TENM3: variants seen among roughly 807,000 people sequenced by gnomAD.
TENM3 encodes teneurin-3.
In TENM3, 63 loss-of-function variants were observed where a neutral mutation model predicts 255.1. That is an observed-to-expected ratio of 0.25 (90% CI 0.20 to 0.30). The LOEUF (loss-of-function observed/expected upper bound fraction) is 0.30. Ranked by LOEUF, TENM3 falls within the 10% of genes least tolerant of loss-of-function variation. The pLI is 1.00. For synonymous variants in TENM3, 1,306 were observed against 1,322.3 expected, an observed-to-expected ratio of 0.99 and a Z score of 0.27; for missense variants, 2,929 against 3,461.1, an observed-to-expected ratio of 0.85 and a Z score of 3.86.
At chr4:181,720,871 A>G in the TENM3 span, among the ~76,000 whole-genome samples, 1 of 152,174 alleles carries the variant, frequency 6.6e-6, no homozygotes. Flanking sequence ...TCTGAAGGAA[A>G]TCTCTCTGGA....
intron 3 of TENM3, among the ~76,000 whole-genome samples, chr4:182,402,361 G>A (rs954745930): frequency 2.6e-5 from 4 of 152,076 alleles, no homozygotes; most frequent in South Asian, 2.1e-4. Context: ...TTGTACAGTC[G>A]CTCCACATGC....
the TENM3 span, among the ~76,000 whole-genome samples, chr4:181,984,030 T>A: frequency 6.6e-6 from 1 of 152,104 alleles, no homozygotes; most frequent in Non-Finnish European, 1.5e-5. Context: ...CTCTTAGTGA[T>A]GGAATAATGC....
intron 23 of TENM3, 116 bp downstream of exon 23, chr4:182,773,763 A>C: frequency 2.3e-6 from 2 of 862,522 alleles, no homozygotes; most frequent in Non-Finnish European, 3.6e-6. Context: ...ACCTCTAGAA[A>C]TATTGGTGAC....
chr4:182,438,997 C>G (rs559701118), intron 3 of TENM3, among the ~76,000 whole-genome samples: 5 of 152,280 alleles, frequency 3.3e-5, no homozygotes, highest in African/African-American at 1.2e-4. Context: ...GTGTCAAAAT[C>G]TACACGTGGA....
the TENM3 span, among the ~76,000 whole-genome samples, chr4:181,845,957 A>T: frequency 2.0e-5 from 3 of 152,184 alleles, no homozygotes; most frequent in African/African-American, 7.2e-5. Context: ...CCTACTAATA[A>T]GCTTTCAGAG....
the TENM3 span, among the ~76,000 whole-genome samples, chr4:182,022,170 TAA>T: frequency 1.2e-3 from 175 of 144,284 alleles, no homozygotes; most frequent in Middle Eastern, 3.6e-3. Context: ...GTGGATTGGA[TAA>T]AAAAAAAAAA....
chr4:181,534,814 T>C, the TENM3 span, among the ~76,000 whole-genome samples: 1 of 152,150 alleles, frequency 6.6e-6, no homozygotes, highest in South Asian at 2.1e-4. Flanking sequence ...AATGATATCT[T>C]AGGCAGGTCC....
chr4:182,372,069 A>G (rs764561064), intron 3 of TENM3, among the ~76,000 whole-genome samples: 7 of 152,226 alleles, frequency 4.6e-5, no homozygotes, highest in Non-Finnish European at 5.9e-5. Context: ...TAAATTATGC[A>G]AACTCTCATT....
chr4:182,008,022 C>A, the TENM3 span, among the ~76,000 whole-genome samples: 1 of 152,134 alleles, frequency 6.6e-6, no homozygotes, highest in Admixed American at 6.5e-5. Flanking sequence ...GTTAAAAATT[C>A]TTTTCTTTAA....
At chr4:181,503,136 G>C in the TENM3 span, among the ~76,000 whole-genome samples, 3 of 152,112 alleles carry the variant, frequency 2.0e-5, no homozygotes, top group African/African-American at 7.2e-5. Context: ...ACCGAGGTGG[G>C]AGGTCCCACC....
At chr4:182,328,829 C>T (rs144378373) in intron 2 of TENM3, among the ~76,000 whole-genome samples, 5 of 152,174 alleles carry the variant, frequency 3.3e-5, no homozygotes, top group Non-Finnish European at 5.9e-5. Context: ...AAGGCCAGTT[C>T]AAGTGTAGTT....
chr4:181,893,697 A>G, the TENM3 span, among the ~76,000 whole-genome samples: 1 of 152,084 alleles, frequency 6.6e-6, no homozygotes, highest in African/African-American at 2.4e-5. Context: ...TGCTTTTGTT[A>G]GTATTTGGTC....
chr4:182,278,318 G>T (rs1760143339), intron 1 of TENM3, among the ~76,000 whole-genome samples: 1 of 152,006 alleles, frequency 6.6e-6, no homozygotes, highest in Non-Finnish European at 1.5e-5. Context: ...GGTGAGCCGA[G>T]GTCTAGTCAT....
chr4:182,289,736 G>A (rs1424774545), intron 1 of TENM3, among the ~76,000 whole-genome samples: 1 of 152,110 alleles, frequency 6.6e-6, no homozygotes, highest in Admixed American at 6.5e-5. Flanking sequence ...AGGCTTAGAG[G>A]TGTATGAAAA....
the TENM3 span, among the ~76,000 whole-genome samples, chr4:181,659,296 C>G: frequency 3.3e-5 from 5 of 152,152 alleles, no homozygotes; most frequent in African/African-American, 1.2e-4. Context: ...TGGGCCAGTT[C>G]CTCCTCTTAC....
chr4:182,238,339 A>T (rs1757016845), intron 1 of TENM3, among the ~76,000 whole-genome samples: 1 of 152,148 alleles, frequency 6.6e-6, no homozygotes, highest in Non-Finnish European at 1.5e-5. Context: ...TTCCTTCCCC[A>T]AGGCCTTTGT....
chr4:182,652,277 A>T (rs765952114), intron 5 of TENM3, among the ~76,000 whole-genome samples: 1 of 152,210 alleles, frequency 6.6e-6, no homozygotes, highest in Non-Finnish European at 1.5e-5. Flanking sequence ...CAGTCAGGGT[A>T]TGAGGGATGC....
At chr4:181,605,479 A>G in the TENM3 span, among the ~76,000 whole-genome samples, 4 of 115,058 alleles carry the variant, frequency 3.5e-5, no homozygotes, top group South Asian at 1.2e-3. Flanking sequence ...AGAGAGAAAC[A>G]GAGAAAGAAA....
intron 22 of TENM3, among the ~76,000 whole-genome samples, chr4:182,759,150 A>G (rs537816642): frequency 1.7e-4 from 26 of 152,388 alleles, no homozygotes; most frequent in African/African-American, 6.3e-4. Context: ...GTGTACCATT[A>G]ACATGTCACA....
Sources: allele counts gnomAD v4.1 joint callset (sites outside exome capture counted in the v4.1 genomes callset), GRCh38; gene constraint gnomAD v4.1.1; transcripts MANE v1.5; gene names NCBI Gene and HGNC (gene_info 2026-07-23, HGNC 2026-07-21).